The following C2CD4D variants were observed in gnomAD, a reference collection of about 807,000 sequenced individuals.
The protein encoded by C2CD4D is C2 calcium dependent domain containing 4D.
In C2CD4D, 1 loss-of-function variant was observed where a neutral mutation model predicts 0.2. That is an observed-to-expected ratio of 4.00 (90% CI 1.42 to 18.99). The LOEUF (loss-of-function observed/expected upper bound fraction) is 18.99, where lower values mean the gene tolerates loss of function less well. Among genes scored for constraint, C2CD4D ranks in the 30% most tolerant of loss-of-function variants. The pLI, the probability that C2CD4D is intolerant of heterozygous loss-of-function variation, is 0.11. For synonymous variants in C2CD4D, 269 were observed against 279.8 expected (o/e 0.96, Z 0.39); for missense variants, 552 against 551.2 (o/e 1.00, Z -0.01).
Position 151,838,477 on chromosome 1 carries a change from TG to T in C2CD4D, c.512del (p.Pro171GlnfsTer68). The T allele has an allele frequency of 7.2e-7, 1 of 1,396,594 alleles. No individual in the cohort carries two copies. The highest frequency in any genetic ancestry group is 9.3e-7 in the Non-Finnish European group (1 of 1,079,306). 86.5% of individuals were successfully genotyped at this position (1,396,594 alleles called of 1,614,324 possible). ...TGGTATCGGCCGAGCTCGCTTTTTC[TG>T]GGGACAGAGAGTGAGGCCTGGACAC... On this transcript the variant is annotated frameshift_variant, in exon 2 of 2. Coordinates refer to ENST00000454109, the Ensembl canonical transcript of C2CD4D. LOFTEE classifies it low-confidence loss of function (END_TRUNC).
exon 2 of C2CD4D, chr1:151,838,104 C>T (rs1289811973): frequency 5.2e-6 from 8 of 1,551,336 alleles, no homozygotes; most frequent in Non-Finnish European, 7.0e-6. Context: ...TCCGGGGGGC[C>T]GAGCCCGTCG....
intron 1 of C2CD4D, 103 bp from the exon 2 acceptor site, chr1:151,839,323 C>T: frequency 2.7e-6 from 1 of 376,880 alleles, no homozygotes; most frequent in Non-Finnish European, 4.8e-6. Context: ...AAAGATGCCC[C>T]ATTCACCTTA....
exon 2 of C2CD4D, chr1:151,838,139 G>C (rs907327961): frequency 6.4e-7 from 1 of 1,551,226 alleles, no homozygotes; most frequent in Non-Finnish European, 8.7e-7. Context: ...GTTGAAGATG[G>C]GGTTGGCGCT....
chr1:151,838,138 G>A, exon 2 of C2CD4D: 1 of 1,551,358 alleles, frequency 6.4e-7, no homozygotes. Context: ...CGTTGAAGAT[G>A]GGGTTGGCGC....
chr1:151,838,347 C>T, exon 2 of C2CD4D: 1 of 1,422,312 alleles, frequency 7.0e-7, no homozygotes, highest in Non-Finnish European at 9.2e-7. Flanking sequence ...CCGCGGGGCC[C>T]CAGGCGCAGC....
chr1:151,838,799 A>G lies in C2CD4D; in HGVS notation c.191T>C (p.Val64Ala), dbSNP rs911435747. ...CGCCACGTGCCGCCGGGCCGCGGGC[A>G]CTGCGCCGCCCGGGTCCGGGAGCCG... is the stretch of plus-strand genomic sequence containing the variant. The change falls in exon 2 of 2, where the codon GTG becomes GCG. Residue 64 changes from valine to alanine, a missense_variant. Transcript: ENST00000454109. The G allele has an allele frequency of 8.7e-6, 12 of 1,379,044 alleles. No individual in the cohort carries two copies. In the African/African-American group the frequency reaches 1.4e-4, roughly 16 times the overall value. The allele number at this position is 1,379,044 out of a possible 1,614,324, so 85.4% of individuals were successfully genotyped here.
chr1:151,838,235 C>T (rs1480316395), exon 2 of C2CD4D: 4 of 1,416,412 alleles, frequency 2.8e-6, no homozygotes, highest in Non-Finnish European at 3.7e-6. Flanking sequence ...GCCGCCGCTC[C>T]CGGGGCGGGA....
rs1288256328 is a variant in C2CD4D at position 151,838,749 on chromosome 1, A to AACAGGTC, written c.240_241insGACCTGT (p.Ser81AspfsTer278). The AACAGGTC allele has an allele frequency of 1.5e-4, 201 of 1,336,466 alleles. 2 individuals carry two copies. The Middle Eastern group carries it at 1.7e-3, about 11-fold the overall frequency. 82.8% of individuals were successfully genotyped at this position (1,336,466 alleles called of 1,614,324 possible). ...TCGCGGCCCGCCAGGTGAGGCAGCGAGCAGGTCGCGGGGAGGCCGCGCCCC... is the reference window on the plus strand; with the variant it reads ...TCGCGGCCCGCCAGGTGAGGCAGCGAACAGGTCGCAGGTCGCGGGGAGGCCGCGCCCC... On this transcript the variant is annotated frameshift_variant, in exon 2 of 2. Coordinates refer to ENST00000454109, the Ensembl canonical transcript of C2CD4D. LOFTEE classifies it low-confidence loss of function (END_TRUNC).
At position 151,839,334 on chromosome 1, in the gene C2CD4D, C is replaced by G. The variant is rs7551686; in HGVS notation, c.-231-114G>C. ...TACTAAAGATGCCCCATTCACCTTA[C>G]AGTTAGAGGGCCCATATAGTATCCA... On this transcript the variant is annotated intron_variant, in intron 1 of 1. Transcript: ENST00000454109. 0.54 allele frequency: 178,588 copies of G among 331,848 alleles called. 50,227 individuals carry two copies. The highest frequency in any genetic ancestry group is 0.71 in the Middle Eastern group (813 of 1,138). 20.6% of individuals were successfully genotyped at this position (331,848 alleles called of 1,614,324 possible).
chr1:151,838,322 A>T, exon 2 of C2CD4D: 1 of 1,410,030 alleles, frequency 7.1e-7, no homozygotes. Flanking sequence ...TTCGGTGGAG[A>T]GCCGCAGCTG....
At position 151,837,955 on chromosome 1, in the gene C2CD4D, G is replaced by A. The variant is rs377436117; in HGVS notation, c.1035C>T (p.Ser345=). Residue 345 remains serine, a synonymous_variant, in exon 2 of 2, where the codon TCC becomes TCT. Transcript: ENST00000454109. ...ACAGGCTGAGATGGGTGGGCGCCAG[G>A]GATGACCCGGGACCTAGTCCCCCAC... The A allele has an allele frequency of 1.7e-5, 26 of 1,543,824 alleles. No homozygotes were observed. In the African/African-American group the frequency reaches 2.9e-4, roughly 17 times the overall value.
chr1:151,838,642 C>G (rs1652665757), exon 2 of C2CD4D: 2 of 1,333,350 alleles, frequency 1.5e-6, no homozygotes, highest in African/African-American at 1.5e-5. Flanking sequence ...CGGGGAGTCC[C>G]CCGGCCGGGG....
In C2CD4D at chr1:151,839,219, G is replaced by A. The variant is rs1047621496; in HGVS notation, c.-230C>T. 5 of 545,932 alleles carry A rather than the reference G, an allele frequency of 9.2e-6. No individual in the cohort carries two copies. In the Admixed American group the frequency reaches 1.8e-4, roughly 19 times the overall value. 33.8% of individuals were successfully genotyped at this position (545,932 alleles called of 1,614,324 possible). A position where few individuals can be genotyped will look rare whatever the true frequency, so the allele number is the denominator to read the frequency against. On this transcript the variant is annotated splice_region_variant and 5_prime_UTR_variant, in exon 2 of 2. Coordinates refer to ENST00000454109, the Ensembl canonical transcript of C2CD4D. ...AAAGAAAGGGCGGCGCAGTCTGGGGGGCTGGGGAGAAATGGAGGGAGCAAA... is the reference window on the plus strand; with the variant it reads ...AAAGAAAGGGCGGCGCAGTCTGGGGAGCTGGGGAGAAATGGAGGGAGCAAA...
exon 2 of C2CD4D, chr1:151,839,126 C>G: frequency 9.8e-7 from 1 of 1,016,608 alleles, no homozygotes; most frequent in Non-Finnish European, 1.4e-6. Flanking sequence ...CTGGCGTACA[C>G]CGGGCGGTCA....
chr1:151,839,022 G>T (rs1260334964), exon 2 of C2CD4D: 1 of 1,545,658 alleles, frequency 6.5e-7, no homozygotes, highest in Admixed American at 2.0e-5. Flanking sequence ...TCCGAATTCC[G>T]CAGGGCCGAG....
exon 2 of C2CD4D, chr1:151,838,688 C>T: frequency 7.3e-7 from 1 of 1,373,788 alleles, no homozygotes. Context: ...TTCCCGCCGG[C>T]GCGTGTGCGG....
chr1:151,840,353 T>G (rs1652752861), exon 1 of C2CD4D: 1 of 152,430 alleles, frequency 6.6e-6, no homozygotes, highest in South Asian at 2.1e-4. Flanking sequence ...GGGGGAGGGC[T>G]ACAGAGAAGA....
chr1:151,838,530 G>A, exon 2 of C2CD4D: 1 of 1,339,718 alleles, frequency 7.5e-7, no homozygotes, highest in South Asian at 1.9e-5. Flanking sequence ...CCTGGCCGCG[G>A]GGAGCCGAAG....
At chr1:151,838,619 C>G in exon 2 of C2CD4D, 1 of 1,315,138 alleles carries the variant, frequency 7.6e-7, no homozygotes, top group Non-Finnish European at 9.6e-7. Context: ...GACGTGCAGC[C>G]GGGACTGCGC....
Sources: allele counts gnomAD v4.1 joint callset, GRCh38; gene constraint gnomAD v4.1.1; transcripts MANE v1.5; gene names NCBI Gene and HGNC (gene_info 2026-07-23, HGNC 2026-07-21).